Variants in ST6GALNAC5 observed in about 807,000 individuals in gnomAD.
The protein encoded by ST6GALNAC5 is ST6 N-acetylgalactosaminide alpha-2,6-sialyltransferase 5.
ST6GALNAC5 carries 27 observed loss-of-function variants against 33.6 expected under a neutral mutation model. The observed-to-expected ratio is 0.80, with a 90% confidence interval of 0.59 to 1.11. ST6GALNAC5 has a LOEUF of 1.11. Among genes scored for constraint, ST6GALNAC5 ranks in the 50% least tolerant of loss-of-function variants. ST6GALNAC5 has a pLI of 0.00. For missense variants in ST6GALNAC5, 428 were observed against 454.0 expected (o/e 0.94, Z 0.52); for synonymous variants, 194 against 171.2 (o/e 1.13, Z -1.04).
chr1:77,005,629 C>T (rs558237403), intron 2 of ST6GALNAC5, among the ~76,000 whole-genome samples: 1 of 152,248 alleles, frequency 6.6e-6, no homozygotes, highest in South Asian at 2.1e-4. Flanking sequence ...GTTGTGCAAC[C>T]AATACCACTA....
chr1:76,961,074 C>A (rs1249487212), intron 2 of ST6GALNAC5, among the ~76,000 whole-genome samples: 1 of 152,092 alleles, frequency 6.6e-6, no homozygotes, highest in East Asian at 1.9e-4. Flanking sequence ...TCAGAGATTG[C>A]AGTAGAGACA....
intron 4 of ST6GALNAC5, among the ~76,000 whole-genome samples, chr1:77,051,908 G>A (rs935546428): frequency 1.3e-5 from 2 of 152,132 alleles, no homozygotes; most frequent in Non-Finnish European, 2.9e-5. Flanking sequence ...AAATTGAAAT[G>A]TTAATGACTT....
At chr1:77,041,905 A>T (rs572784444) in intron 2 of ST6GALNAC5, among the ~76,000 whole-genome samples, 1 of 152,318 alleles carries the variant, frequency 6.6e-6, no homozygotes, top group East Asian at 1.9e-4. Flanking sequence ...AAATAGCATC[A>T]CTGAATTTCT....
chr1:76,986,762 C>T (rs1383734566), intron 2 of ST6GALNAC5, among the ~76,000 whole-genome samples: 1 of 152,100 alleles, frequency 6.6e-6, no homozygotes, highest in Non-Finnish European at 1.5e-5. Flanking sequence ...GGAACCAATC[C>T]AAATGTCCAT....
intron 2 of ST6GALNAC5, among the ~76,000 whole-genome samples, chr1:77,023,093 A>G (rs986946541): frequency 6.6e-6 from 1 of 152,218 alleles, no homozygotes. Flanking sequence ...CCAAGGGACC[A>G]TGTGAGGACA....
chr1:76,928,064 G>T lies in ST6GALNAC5; in HGVS notation c.261+59322G>T, dbSNP rs185486918. On this transcript the variant is annotated intron_variant, in intron 2 of 4. Transcript: ENST00000477717. ...GATGGGGACAATCTGGGAGTACATGGTTGGGAGGGAACCCCCAGATAGACT... is the reference window on the plus strand; with the variant it reads ...GATGGGGACAATCTGGGAGTACATGTTTGGGAGGGAACCCCCAGATAGACT... Among the ~76,000 whole-genome samples the T allele has an allele frequency of 4.0e-4, 60 of 151,638 alleles. 2 individuals are homozygous for T. Among genetic ancestry groups the T allele is most frequent in the African/African-American group, 9.8e-4 (40 of 40,980 alleles).
chr1:76,919,406 A>G (rs369968267), intron 2 of ST6GALNAC5, among the ~76,000 whole-genome samples: 4 of 152,078 alleles, frequency 2.6e-5, no homozygotes, highest in South Asian at 2.1e-4. Flanking sequence ...GGCTCCCCAC[A>G]TGCTGAAAAC....
chr1:77,041,339 C>A (rs1469665402), intron 2 of ST6GALNAC5, among the ~76,000 whole-genome samples: 1 of 152,094 alleles, frequency 6.6e-6, no homozygotes, highest in East Asian at 1.9e-4. Context: ...CTGGGGGCAC[C>A]CTCAATGTGG....
At chr1:76,878,867 T>C (rs994936509) in intron 2 of ST6GALNAC5, among the ~76,000 whole-genome samples, 9 of 152,166 alleles carry the variant, frequency 5.9e-5, no homozygotes, top group African/African-American at 1.7e-4. Context: ...GAGCTCTACA[T>C]GAGTCAGGCT....
intron 2 of ST6GALNAC5, among the ~76,000 whole-genome samples, chr1:76,918,867 A>T (rs140947031): frequency 6.6e-6 from 1 of 152,248 alleles, no homozygotes; most frequent in African/African-American, 2.4e-5. Context: ...AAGAATTGTA[A>T]GGACTGTATT....
chr1:76,942,511 GC>G (rs1468846444), intron 2 of ST6GALNAC5, among the ~76,000 whole-genome samples: 1 of 152,064 alleles, frequency 6.6e-6, no homozygotes, highest in Non-Finnish European at 1.5e-5. Context: ...TACTTATCAA[GC>G]CCTGTATGTG....
intron 2 of ST6GALNAC5, among the ~76,000 whole-genome samples, chr1:76,997,114 A>C (rs1649967766): frequency 6.6e-6 from 1 of 152,240 alleles, no homozygotes; most frequent in Non-Finnish European, 1.5e-5. Context: ...TGCAGATTAC[A>C]AAACAAATGC....
chr1:76,984,330 G>A (rs973729070), intron 2 of ST6GALNAC5, among the ~76,000 whole-genome samples: 2 of 152,120 alleles, frequency 1.3e-5, no homozygotes, highest in East Asian at 1.9e-4. Flanking sequence ...TGACAAAGTG[G>A]ATATCACCAT....
intron 2 of ST6GALNAC5, among the ~76,000 whole-genome samples, chr1:77,016,138 CCCT>C (rs1466929261): frequency 1.1e-4 from 14 of 121,992 alleles, no homozygotes; most frequent in African/African-American, 1.9e-4. Flanking sequence ...TGTATCTCCT[CCCT>C]CCCCTCCTGT....
chr1:76,974,152 A>T (rs1220485566), intron 2 of ST6GALNAC5, among the ~76,000 whole-genome samples: 2 of 150,304 alleles, frequency 1.3e-5, no homozygotes, highest in Admixed American at 1.3e-4. Flanking sequence ...TTAAATCTTC[A>T]TTTCTAAAAA....
chr1:76,963,317 G>A (rs113714235), intron 2 of ST6GALNAC5, among the ~76,000 whole-genome samples: 4 of 152,180 alleles, frequency 2.6e-5, no homozygotes, highest in Non-Finnish European at 4.4e-5. Flanking sequence ...ATCACACAGC[G>A]AGTGCTCTGG....
At chr1:77,012,244 A>G (rs1474493633) in intron 2 of ST6GALNAC5, among the ~76,000 whole-genome samples, 2 of 152,222 alleles carry the variant, frequency 1.3e-5, no homozygotes, top group Admixed American at 1.3e-4. Context: ...AGCCTTAAGT[A>G]AATTAGACCA....
Position 77,067,160 on chromosome 1 carries a change from G to GT in ST6GALNAC5, c.*3954_*3955insT, listed in dbSNP as rs1652806950. On this transcript the variant is annotated 3_prime_UTR_variant, in exon 5 of 5. Transcript: ENST00000477717. ...AAGAGAACTATAATAATAAGCCCTGGGGGGCAGGATGTGTGAACCAATTGC... is the reference window on the plus strand; with the variant it reads ...AAGAGAACTATAATAATAAGCCCTGGTGGGGCAGGATGTGTGAACCAATTGC... Among the ~76,000 whole-genome samples, 1 of 151,978 alleles carries GT rather than the reference G, an allele frequency of 6.6e-6. No homozygotes were observed. The highest frequency in any genetic ancestry group is 1.5e-5 in the Non-Finnish European group (1 of 67,988).
chr1:76,921,272 A>G (rs1442435157), intron 2 of ST6GALNAC5, among the ~76,000 whole-genome samples: 1 of 152,196 alleles, frequency 6.6e-6, no homozygotes, highest in Non-Finnish European at 1.5e-5. Context: ...TGGAGAAAAG[A>G]TAGTGGAAGA....
Sources: allele counts gnomAD v4.1 joint callset (sites outside exome capture counted in the v4.1 genomes callset), GRCh38; gene constraint gnomAD v4.1.1; transcripts MANE v1.5; gene names NCBI Gene and HGNC (gene_info 2026-07-23, HGNC 2026-07-21).